ABCC10: variants seen among roughly 807,000 people sequenced by gnomAD.
ABCC10 encodes the protein ATP binding cassette subfamily C member 10, also known as ATP-binding cassette sub-family C member 10.
In ABCC10, 110 loss-of-function variants were observed where a neutral mutation model predicts 143.2. That is an observed-to-expected ratio of 0.77 (90% CI 0.66 to 0.90). The LOEUF is 0.90. Among genes scored for constraint, ABCC10 ranks in the 40% least tolerant of loss-of-function variants. The pLI is 0.00. For missense variants in ABCC10, 1,700 were observed against 1,900.5 expected (o/e 0.89, Z 1.96); for synonymous variants, 805 against 846.7 (o/e 0.95, Z 0.85).
intron 2 of ABCC10, among the ~76,000 whole-genome samples, chr6:43,429,045 A>G (rs919414027): frequency 7.2e-5 from 11 of 152,214 alleles, no homozygotes; most frequent in African/African-American, 2.2e-4. Context: ...AAAGCAAGAA[A>G]GACCATCATG....
At position 43,445,117 on chromosome 6, in the gene ABCC10, C is replaced by G; in HGVS notation, c.2841-8C>G. On this transcript the variant is annotated splice_region_variant and splice_polypyrimidine_tract_variant and intron_variant, in intron 13 of 21. Coordinates refer to ENST00000372530, the MANE Select transcript of ABCC10 (RefSeq NM_001198934.2). ...TTGGTTACCGACAGCCCCCTCCTCACCACCCAGCATCCCAGTGTTCCCACT... is the reference window on the plus strand; with the variant it reads ...TTGGTTACCGACAGCCCCCTCCTCAGCACCCAGCATCCCAGTGTTCCCACT... 6.2e-7 allele frequency: 1 copy of G among 1,613,650 alleles called. No homozygotes were observed. Among genetic ancestry groups the G allele is most frequent in the South Asian group, 1.1e-5 (1 of 91,070 alleles).
chr6:43,437,453 AAAAAG>A (rs1781864923), intron 6 of ABCC10, among the ~76,000 whole-genome samples: 1 of 151,052 alleles, frequency 6.6e-6, no homozygotes, highest in African/African-American at 2.4e-5. Flanking sequence ...AAAAAAAAAA[AAAAAG>A]GTAAACAGAA....
chr6:43,430,353 A>T (rs9472050), intron 2 of ABCC10, among the ~76,000 whole-genome samples: 133,135 of 151,918 alleles, frequency 0.88, 58,437 homozygotes, highest in East Asian at 0.95. Context: ...TGCCTCCCAA[A>T]GTGCTGGGAT....
chr6:43,446,716 C>A, intron 16 of ABCC10: 2 of 1,305,238 alleles, frequency 1.5e-6, no homozygotes, highest in Middle Eastern at 2.9e-4. Context: ...GTCCCCACCA[C>A]ACTGCCCCAG....
chr6:43,447,040 G>A (rs111993105), intron 16 of ABCC10: 16,900 of 740,788 alleles, frequency 0.023, 273 homozygotes, highest in Non-Finnish European at 0.029. Flanking sequence ...TAGAGACAGG[G>A]TTTCACCATG....
chr6:43,438,845 C>T (rs750937508), intron 8 of ABCC10, 50 bp downstream of exon 8: 3 of 1,596,584 alleles, frequency 1.9e-6, no homozygotes, highest in African/African-American at 2.7e-5. Context: ...TCCAGTGTCC[C>T]TGACACCTCA....
Position 43,448,014 on chromosome 6 carries a change from G to C in ABCC10, c.3959+77G>C, listed in dbSNP as rs750080653. ...CTTAGAGGAGGGCATAGCCAGGAAGGCTTTATATAAACTCACAGCAGCCAG... is the reference window on the plus strand; with the variant it reads ...CTTAGAGGAGGGCATAGCCAGGAAGCCTTTATATAAACTCACAGCAGCCAG... On this transcript the variant is annotated intron_variant, in intron 18 of 21. Coordinates refer to ENST00000372530, the MANE Select transcript of ABCC10 (RefSeq NM_001198934.2). 9 of 1,582,090 alleles carry C rather than the reference G, an allele frequency of 5.7e-6. No individual in the cohort carries two copies. The South Asian group carries it at 6.8e-5, about 12-fold the overall frequency.
intron 6 of ABCC10, among the ~76,000 whole-genome samples, chr6:43,436,861 G>A (rs1050445574): frequency 2.6e-5 from 4 of 152,128 alleles, no homozygotes; most frequent in African/African-American, 9.7e-5. Flanking sequence ...TTCTGGCTTG[G>A]GCTGTATGTT....
intron 8 of ABCC10, among the ~76,000 whole-genome samples, chr6:43,440,057 A>G (rs1370446823): frequency 6.6e-6 from 1 of 152,022 alleles, no homozygotes; most frequent in African/African-American, 2.4e-5. Flanking sequence ...CTCGGGTTCA[A>G]GTAATTCTCT....
intron 11 of ABCC10, 31 bp from the exon 12 acceptor site, chr6:43,444,128 T>C (rs746063235): frequency 8.7e-6 from 14 of 1,611,462 alleles, no homozygotes; most frequent in Middle Eastern, 1.7e-4. Flanking sequence ...CCCTGCAAGC[T>C]TAATTCTTCC....
rs1581684085 is a variant in ABCC10 at position 43,427,630 on chromosome 6, A to T, written c.-139A>T. On this transcript the variant is annotated 5_prime_UTR_variant, in exon 1 of 22. Transcript: ENST00000372530. ...GGCGGGCCCAGCACCCCGGCCGGGC[A>T]GTACTTTTTTTTTTTTTGCATACAC... 1 of 344,964 alleles carries T rather than the reference A, an allele frequency of 2.9e-6. No individual in the cohort carries two copies. Among genetic ancestry groups the T allele is most frequent in the Non-Finnish European group, 5.5e-6 (1 of 182,418 alleles). The allele number at this position is 344,964 out of a possible 1,614,324, so 21.4% of individuals were successfully genotyped here.
downstream of ABCC10, chr6:43,450,675 G>A (rs778237754): frequency 1.2e-6 from 2 of 1,613,958 alleles, no homozygotes; most frequent in Non-Finnish European, 1.7e-6. This position sits in a 1 kb window ranked among gnomAD's most constrained non-coding sequence, Gnocchi z 4.5. Flanking sequence ...ACAGGGTCCA[G>A]GGGGGCAGAC....
rs368507184 is a variant in ABCC10 at position 43,432,103 on chromosome 6, A to C, written c.162-39A>C. The C allele has an allele frequency of 2.6e-5, 42 of 1,602,736 alleles. No individual in the cohort carries two copies. In the South Asian group the frequency reaches 4.1e-4, roughly 16 times the overall value. ...GAGGGGTATGTCTGGCTCCTGAGTC[A>C]GCCACGATGTGCCTCCTTGTCTTCC... On this transcript the variant is annotated intron_variant, in intron 2 of 21. Coordinates refer to ENST00000372530, the MANE Select transcript of ABCC10 (RefSeq NM_001198934.2).
At chr6:43,436,796 C>G (rs1472507106) in intron 6 of ABCC10, among the ~76,000 whole-genome samples, 3 of 152,348 alleles carry the variant, frequency 2.0e-5, no homozygotes, top group Non-Finnish European at 4.4e-5. Flanking sequence ...CCCCACAGCT[C>G]AACCCGGCAT....
Position 43,449,256 on chromosome 6 carries a change from C to T in ABCC10, c.4203+52C>T, listed in dbSNP as rs547114769. On this transcript the variant is annotated intron_variant, in intron 20 of 21. Coordinates refer to ENST00000372530, the MANE Select transcript of ABCC10 (RefSeq NM_001198934.2). Reference sequence around the variant, plus strand: ...GAGGGCCAGGAAGAAGGCTGGGGGCCGGGAGGTGGGGAGGTAGAGTGGGGA... The same window carrying T: ...GAGGGCCAGGAAGAAGGCTGGGGGCTGGGAGGTGGGGAGGTAGAGTGGGGA... 1.3e-4 allele frequency: 202 copies of T among 1,513,772 alleles called. 3 individuals carry two copies. The East Asian group carries it at 3.8e-3, about 28-fold the overall frequency. The allele number at this position is 1,513,772 out of a possible 1,614,324, so 93.8% of individuals were successfully genotyped here. A position where few individuals can be genotyped will look rare whatever the true frequency, so the allele number is the denominator to read the frequency against.
intron 8 of ABCC10, 94 bp downstream of exon 8, chr6:43,438,889 C>T: frequency 6.8e-7 from 1 of 1,466,786 alleles, no homozygotes; most frequent in Non-Finnish European, 9.3e-7. Context: ...AAAGGGGTTG[C>T]TTCTACTCGG....
intron 5 of ABCC10, 81 bp downstream of exon 5, chr6:43,435,988 C>G (rs771338837): frequency 1.1e-4 from 170 of 1,602,308 alleles, no homozygotes; most frequent in Non-Finnish European, 1.4e-4. Flanking sequence ...ATAGATGTCA[C>G]CAAGAGGGCT....
intron 8 of ABCC10, 90 bp from the exon 9 acceptor site, chr6:43,441,772 C>G: frequency 5.6e-6 from 6 of 1,077,170 alleles, no homozygotes; most frequent in Non-Finnish European, 8.1e-6. Context: ...CCCTACTTCT[C>G]TTGACTCCCA....
At chr6:43,427,943 C>A (rs748471384) in intron 1 of ABCC10, 25 bp from the exon 2 acceptor site, 3 of 1,611,130 alleles carry the variant, frequency 1.9e-6, no homozygotes, top group South Asian at 2.2e-5. Context: ...CCCTGCACAG[C>A]CGTCACCCTC....
Sources: gnomAD v4.1 joint callset for allele counts (sites outside exome capture counted in the v4.1 genomes callset) on GRCh38, gnomAD v4.1.1 for gene constraint, Gnocchi (gnomAD v3.1) non-coding constraint, MANE v1.5 for transcripts, NCBI Gene and HGNC (gene_info 2026-07-23, HGNC 2026-07-21) for gene names.